Variants in UACA observed in about 807,000 individuals in gnomAD.
UACA encodes the protein nuclear membrane binding protein.
In UACA, 112 loss-of-function variants were observed where a neutral mutation model predicts 160.5. The ratio of observed to expected loss-of-function variants is 0.70; its 90% CI spans 0.60 to 0.82. The LOEUF is 0.82. UACA is among the 40% of genes least tolerant of loss of function. The pLI, the probability that UACA is intolerant of heterozygous loss-of-function variation, is 0.00. For missense variants in UACA, 1,574 were observed against 1,614.6 expected, an observed-to-expected ratio of 0.97 and a Z score of 0.43; for synonymous variants, 557 against 568.4, an observed-to-expected ratio of 0.98 and a Z score of 0.29.
intron 7 of UACA, among the ~76,000 whole-genome samples, chr15:70,686,302 CAATACATATAAGGT>C (rs1897714672): frequency 6.6e-6 from 1 of 151,716 alleles, no homozygotes; most frequent in South Asian, 2.1e-4. Context: ...AGGTATAAAT[CAATACATATAAGGT>C]ATACATTGGT....
chr15:70,765,984 T>C (rs1490333988), upstream of UACA, among the ~76,000 whole-genome samples: 1 of 152,240 alleles, frequency 6.6e-6, no homozygotes, highest in Non-Finnish European at 1.5e-5. Flanking sequence ...ATCATAGTCC[T>C]GGTGACTGGC....
At chr15:70,687,708 G>T in intron 6 of UACA, 42 bp downstream of exon 6, 1 of 1,612,896 alleles carries the variant, frequency 6.2e-7, no homozygotes, top group Non-Finnish European at 8.5e-7. Flanking sequence ...GTAGAAGTTA[G>T]AATGCATGAG....
rs1244552166 is a variant in UACA at position 70,668,409 on chromosome 15, C to T, written c.2275G>A (p.Ala759Thr). Residue 759 changes from alanine (A) to threonine (T), a missense_variant, in exon 16 of 19, where the codon GCA becomes ACA. Coordinates refer to ENST00000322954, the MANE Select transcript of UACA (RefSeq NM_018003.4). ...TTTCTATTAAGATCATCAATAATTG[C>T]ATCATGTGACTTTTTCATGTCTTCA... is the stretch of plus-strand genomic sequence containing the variant. ...VSEDMKKSHD[A>T]IIDDLNRKLL... 4 of 1,610,660 alleles carry T rather than the reference C, an allele frequency of 2.5e-6. No individual in the cohort carries two copies. Among genetic ancestry groups the T allele is most frequent in the Non-Finnish European group, 2.5e-6 (3 of 1,179,388 alleles).
Position 70,679,626 on chromosome 15 carries a change from C to T in UACA, c.873G>A (p.Arg291=). The change falls in exon 10 of 19, where the codon AGG becomes AGA. Residue 291 remains arginine, a synonymous_variant. Transcript: ENST00000322954. ...QDEVNVKSHQ[R]EHQNIQDLEI... The stretch of plus-strand genomic sequence containing the variant: ...TTTTTACCTGAATATTTTGATGCTC[C>T]CTCTGATGTGACTTCACATTTACTT... 6.3e-7 allele frequency: 1 copy of T among 1,587,780 alleles called. No individual in the cohort carries two copies. The highest frequency in any genetic ancestry group is 8.6e-7 in the Non-Finnish European group (1 of 1,167,848).
chr15:70,768,600 T>C, the UACA span, among the ~76,000 whole-genome samples: 2 of 152,204 alleles, frequency 1.3e-5, no homozygotes, highest in African/African-American at 4.8e-5. Flanking sequence ...ACCTCTTGAT[T>C]GCCTCTTTTA....
At position 70,699,510 on chromosome 15, in the gene UACA, T is replaced by A; in HGVS notation, c.212+17A>T. On this transcript the variant is annotated intron_variant, in intron 2 of 18. Coordinates refer to ENST00000322954, the MANE Select transcript of UACA (RefSeq NM_018003.4). ...CAAATTCCCTTCAGACATGCTTTTA[T>A]CATCAATAATACTTACACAGATCTG... 3.1e-6 allele frequency: 5 copies of A among 1,608,142 alleles called. No individual in the cohort carries two copies. The highest frequency in any genetic ancestry group is 4.2e-6 in the Non-Finnish European group (5 of 1,176,714).
chr15:70,694,846 C>T (rs1192418598), intron 3 of UACA, among the ~76,000 whole-genome samples, 171 bp downstream of exon 3: 1 of 152,122 alleles, frequency 6.6e-6, no homozygotes, highest in East Asian at 1.9e-4. Context: ...ATTCCCTATA[C>T]TTGACCTCTC....
At chr15:70,729,347 C>T (rs1899246556) in intron 1 of UACA, among the ~76,000 whole-genome samples, 1 of 152,138 alleles carries the variant, frequency 6.6e-6, no homozygotes, top group Non-Finnish European at 1.5e-5. Flanking sequence ...TGGAATACTA[C>T]TTAGCCATAA....
intron 1 of UACA, among the ~76,000 whole-genome samples, chr15:70,742,600 T>C (rs1183671583): frequency 6.6e-6 from 1 of 152,242 alleles, no homozygotes; most frequent in Admixed American, 6.5e-5. Context: ...ATTTTAATTA[T>C]AAAAAGGAGT....
the UACA span, among the ~76,000 whole-genome samples, chr15:70,770,575 T>G: frequency 6.6e-6 from 1 of 152,190 alleles, no homozygotes; most frequent in Non-Finnish European, 1.5e-5. Flanking sequence ...TACCAACACA[T>G]GCTGAACTTC....
chr15:70,774,770 T>C, the UACA span, among the ~76,000 whole-genome samples: 1 of 152,130 alleles, frequency 6.6e-6, no homozygotes, highest in African/African-American at 2.4e-5. Context: ...AAAGTTAAAA[T>C]AGGCTGGGTG....
chr15:70,705,415 A>C (rs969265321), intron 1 of UACA, among the ~76,000 whole-genome samples: 2 of 152,008 alleles, frequency 1.3e-5, no homozygotes, highest in African/African-American at 4.8e-5. Flanking sequence ...GCATGCCTGT[A>C]ATCCCAGCTA....
At chr15:70,770,435 C>CA in the UACA span, among the ~76,000 whole-genome samples, 2 of 152,140 alleles carry the variant, frequency 1.3e-5, no homozygotes, top group Non-Finnish European at 2.9e-5. Flanking sequence ...TTCTTTACAT[C>CA]ATCTATATCT....
chr15:70,662,082 C>T (rs1350031845), intron 17 of UACA, among the ~76,000 whole-genome samples: 1 of 152,172 alleles, frequency 6.6e-6, no homozygotes, highest in East Asian at 1.9e-4. Flanking sequence ...TCCCTGTTTG[C>T]AGATGACATC....
intron 1 of UACA, among the ~76,000 whole-genome samples, chr15:70,752,034 C>T (rs1470524130): frequency 6.6e-6 from 1 of 151,970 alleles, no homozygotes; most frequent in Non-Finnish European, 1.5e-5. Flanking sequence ...GTCAGGAGTT[C>T]ACGACAGGCC....
chr15:70,696,707 A>G (rs1216128871), intron 2 of UACA, among the ~76,000 whole-genome samples: 1 of 152,176 alleles, frequency 6.6e-6, no homozygotes, highest in Non-Finnish European at 1.5e-5. Flanking sequence ...TGCCACAATG[A>G]AACTGGGAAT....
intron 18 of UACA, among the ~76,000 whole-genome samples, chr15:70,659,803 C>T (rs1896637207): frequency 6.6e-6 from 1 of 151,968 alleles, no homozygotes; most frequent in Admixed American, 6.6e-5. Flanking sequence ...TATTCAAAGC[C>T]ATTCCCACTC....
rs1022905256 is a variant in UACA at position 70,656,154 on chromosome 15, C to T, written c.*902G>A. The stretch of plus-strand genomic sequence containing the variant: ...AATTTTGCAGGAAAACTGTATTTCA[C>T]ATTATTAATCTCATTAATATAACTT... On this transcript the variant is annotated 3_prime_UTR_variant, in exon 19 of 19. Coordinates refer to ENST00000322954, the MANE Select transcript of UACA (RefSeq NM_018003.4). 4 of 152,124 alleles carry T rather than the reference C, an allele frequency of 2.6e-5. No homozygotes were observed. Among genetic ancestry groups the T allele is most frequent in the African/African-American group, 9.7e-5 (4 of 41,424 alleles). The allele number at this position is 152,124 out of a possible 1,614,324, so 9.4% of individuals were successfully genotyped here. A position where few individuals can be genotyped will look rare whatever the true frequency, so the allele number is the denominator to read the frequency against.
intron 17 of UACA, 122 bp downstream of exon 17, chr15:70,664,540 A>T (rs954252513): frequency 8.1e-7 from 1 of 1,237,032 alleles, no homozygotes; most frequent in African/African-American, 1.5e-5. Flanking sequence ...GCATATAAAA[A>T]TAATTATATT....
Sources: gnomAD v4.1 joint callset for allele counts (sites outside exome capture counted in the v4.1 genomes callset) on GRCh38, gnomAD v4.1.1 for gene constraint, MANE v1.5 for transcripts, NCBI Gene and HGNC (gene_info 2026-07-23, HGNC 2026-07-21) for gene names.